The following PRKCH variants were observed in gnomAD, a reference collection of about 807,000 sequenced individuals.
The protein encoded by PRKCH is protein kinase C eta type.
PRKCH carries 28 observed loss-of-function variants against 82.5 expected under a neutral mutation model. That is an observed-to-expected ratio of 0.34 (90% CI 0.25 to 0.47). PRKCH has a LOEUF of 0.47. PRKCH is among the 20% of genes least tolerant of loss of function. PRKCH has a pLI of 1.00. For synonymous variants in PRKCH, 322 were observed against 327.4 expected (o/e 0.98, Z 0.18); for missense variants, 705 against 881.8 (o/e 0.80, Z 2.54).
At chr14:61,308,279 G>T (rs753433810) in intron 1 of PRKCH, among the ~76,000 whole-genome samples, 5 of 152,238 alleles carry the variant, frequency 3.3e-5, no homozygotes, top group Non-Finnish European at 5.9e-5. Context: ...ATGCTAGAAT[G>T]ATATCACTGC....
At chr14:61,502,281 G>A (rs968589903) in intron 10 of PRKCH, among the ~76,000 whole-genome samples, 4 of 151,748 alleles carry the variant, frequency 2.6e-5, no homozygotes, top group African/African-American at 9.7e-5. Flanking sequence ...CAGGCTGGTC[G>A]CAAACTCCTG....
At chr14:61,384,702 G>T (rs943219626) in intron 1 of PRKCH, among the ~76,000 whole-genome samples, 1 of 152,034 alleles carries the variant, frequency 6.6e-6, no homozygotes, top group African/African-American at 2.4e-5. Flanking sequence ...GGGTTAGATG[G>T]CTCTGAGGGT....
At position 61,325,020 on chromosome 14, in the gene PRKCH, T is replaced by C. The variant is rs2045675794; in HGVS notation, c.363+2556T>C. ...TAGCTGTAGGTTATGGATGAGAGGATTCAATATGGTTAAGATCTCAATTCT... is the reference window on the plus strand; with the variant it reads ...TAGCTGTAGGTTATGGATGAGAGGACTCAATATGGTTAAGATCTCAATTCT... On this transcript the variant is annotated intron_variant, in intron 1 of 13. Coordinates refer to ENST00000332981, the MANE Select transcript of PRKCH (RefSeq NM_006255.5). Among the ~76,000 whole-genome samples the C allele has an allele frequency of 2.0e-5, 3 of 152,200 alleles. No homozygotes were observed. In the South Asian group the frequency reaches 6.2e-4, roughly 31 times the overall value.
intron 9 of PRKCH, among the ~76,000 whole-genome samples, chr14:61,481,049 C>T (rs911995561): frequency 6.6e-6 from 1 of 152,114 alleles, no homozygotes; most frequent in Non-Finnish European, 1.5e-5. Flanking sequence ...GCTCAGATGC[C>T]CTGCTCGGTG....
At chr14:61,352,214 C>T (rs2046085693) in intron 1 of PRKCH, among the ~76,000 whole-genome samples, 1 of 152,202 alleles carries the variant, frequency 6.6e-6, no homozygotes, top group Non-Finnish European at 1.5e-5. Context: ...GATCTCTACT[C>T]TTGTAGGTTT....
intron 1 of PRKCH, among the ~76,000 whole-genome samples, chr14:61,274,617 G>A (rs1396448330): frequency 6.6e-6 from 1 of 152,190 alleles, no homozygotes; most frequent in African/African-American, 2.4e-5. Context: ...AGAGGAAACA[G>A]AAAGGGAGAA....
chr14:61,447,649 A>G (rs774066408), intron 4 of PRKCH, among the ~76,000 whole-genome samples: 6 of 152,224 alleles, frequency 3.9e-5, no homozygotes, highest in Non-Finnish European at 7.3e-5. Context: ...TAGCTGGAAA[A>G]TCCCCAAATA....
intron 10 of PRKCH, among the ~76,000 whole-genome samples, chr14:61,505,720 C>T (rs1887120506): frequency 6.6e-6 from 1 of 152,092 alleles, no homozygotes; most frequent in Non-Finnish European, 1.5e-5. Context: ...AGGGCTTTAC[C>T]TTCATGACCT....
intron 2 of PRKCH, among the ~76,000 whole-genome samples, chr14:61,421,581 C>T (rs914897152): frequency 6.6e-6 from 1 of 152,148 alleles, no homozygotes; most frequent in East Asian, 1.9e-4. Context: ...CTTTTTAAAT[C>T]TCATCTCCTA....
chr14:61,217,362 T>C (rs1231756666), intron 1 of PRKCH, among the ~76,000 whole-genome samples: 1 of 152,046 alleles, frequency 6.6e-6, no homozygotes, highest in Non-Finnish European at 1.5e-5. Flanking sequence ...CAGTGAGCCA[T>C]GTTCATGCCA....
chr14:61,461,545 T>A (rs1443197894), intron 9 of PRKCH, among the ~76,000 whole-genome samples: 1 of 152,172 alleles, frequency 6.6e-6, no homozygotes, highest in African/African-American at 2.4e-5. Flanking sequence ...CTTCACCAGG[T>A]GGTAACCTTT....
In PRKCH at chr14:61,529,187, G is replaced by A. The variant is rs1375959337; in HGVS notation, c.1546G>A (p.Gly516Ser). 6.2e-7 allele frequency: 1 copy of A among 1,613,826 alleles called. No homozygotes were observed. Among genetic ancestry groups the A allele is most frequent in the Non-Finnish European group, 8.5e-7 (1 of 1,179,846 alleles). The stretch of plus-strand genomic sequence containing the variant: ...TGGTGTCACCACGGCCACATTCTGT[G>A]GCACGCCAGACTATATCGCTCCAGA... Reference protein sequence around the residue: ...CNGVTTATFCGTPDYIAPEIL... With the variant: ...CNGVTTATFCSTPDYIAPEIL... The change falls in exon 11 of 14, where the codon GGC (glycine) becomes AGC (serine). Residue 516 changes from glycine (G) to serine (S), a missense_variant. Transcript: ENST00000332981.
chr14:61,404,872 G>A (rs1043448526), intron 2 of PRKCH, among the ~76,000 whole-genome samples: 4 of 152,192 alleles, frequency 2.6e-5, no homozygotes, highest in African/African-American at 9.7e-5. Context: ...GAGGAGTGTA[G>A]CTGGGCCTTG....
intron 2 of PRKCH, among the ~76,000 whole-genome samples, chr14:61,432,634 AG>A (rs1883462698): frequency 6.6e-6 from 1 of 152,176 alleles, no homozygotes; most frequent in African/African-American, 2.4e-5. Flanking sequence ...TGCGCCCAGC[AG>A]TAACGCTAGT....
chr14:61,550,020 C>T lies in PRKCH; in HGVS notation c.*189C>T, dbSNP rs1258257875. 3.6e-6 allele frequency: 2 copies of T among 557,008 alleles called. No homozygotes were observed. The highest frequency in any genetic ancestry group is 3.1e-6 in the Non-Finnish European group (1 of 325,722). The allele number at this position is 557,008 out of a possible 1,614,324, so 34.5% of individuals were successfully genotyped here. A position where few individuals can be genotyped will look rare whatever the true frequency, so the allele number is the denominator to read the frequency against. On this transcript the variant is annotated 3_prime_UTR_variant, in exon 14 of 14. Transcript: ENST00000332981. ...ATTTAGAGTCCAGAGGGAGCCATGG[C>T]ACTAGAAATAGTTGATAATGAAATG...
rs559670148 is a variant in PRKCH, at chr14:61,410,719, G to A, written c.427+19431G>A. 2.6e-5 allele frequency among the ~76,000 whole-genome samples: 4 copies of A among 152,282 alleles called. No individual in the cohort carries two copies. The South Asian group carries it at 8.3e-4, about 32-fold the overall frequency. Reference sequence around the variant, plus strand: ...CCTTATCTTCTAATTTCAAAGATAAGCGTTACCTGTAGGCAACGCACCCGA... The same window carrying A: ...CCTTATCTTCTAATTTCAAAGATAAACGTTACCTGTAGGCAACGCACCCGA... On this transcript the variant is annotated intron_variant, in intron 2 of 13. Coordinates refer to ENST00000332981, the MANE Select transcript of PRKCH (RefSeq NM_006255.5).
intron 9 of PRKCH, among the ~76,000 whole-genome samples, chr14:61,481,231 T>A (rs1885956772): frequency 6.6e-6 from 1 of 152,208 alleles, no homozygotes; most frequent in Non-Finnish European, 1.5e-5. Flanking sequence ...AACATTTGTC[T>A]TTGTTCAGAA....
At chr14:61,306,454 C>T (rs1366898197) in intron 1 of PRKCH, 1 of 152,236 alleles carries the variant, frequency 6.6e-6, no homozygotes, top group Non-Finnish European at 1.5e-5. Context: ...TTCCATACTT[C>T]CTTGGATTCC....
intron 2 of PRKCH, among the ~76,000 whole-genome samples, chr14:61,409,794 A>G (rs1882174324): frequency 6.6e-6 from 1 of 150,746 alleles, no homozygotes; most frequent in Non-Finnish European, 1.5e-5. Context: ...TAGATTGTAT[A>G]TGCTACTTGT....
Sources: allele counts gnomAD v4.1 joint callset (sites outside exome capture counted in the v4.1 genomes callset), GRCh38; gene constraint gnomAD v4.1.1; transcripts MANE v1.5; gene names NCBI Gene and HGNC (gene_info 2026-07-23, HGNC 2026-07-21).